The following VPS13B variants were observed in gnomAD, a reference collection of about 807,000 sequenced individuals.
VPS13B encodes vacuolar protein sorting 13 homolog B.
In VPS13B, 285 loss-of-function variants were observed where a neutral mutation model predicts 426.4. The ratio of observed to expected loss-of-function variants is 0.67; its 90% CI spans 0.61 to 0.74. The LOEUF is 0.74. Ranked by LOEUF, VPS13B falls within the 30% of genes least tolerant of loss-of-function variation. The pLI, the probability that VPS13B is intolerant of heterozygous loss-of-function variation, is 0.00. For synonymous variants in VPS13B, 1,676 were observed against 1,676.4 expected, an observed-to-expected ratio of 1.00 and a Z score of 0.01; for missense variants, 4,537 against 4,782.6, an observed-to-expected ratio of 0.95 and a Z score of 1.51.
At chr8:99,813,922 C>T (rs1179593820) in intron 44 of VPS13B, among the ~76,000 whole-genome samples, 1 of 152,050 alleles carries the variant, frequency 6.6e-6, no homozygotes, top group Non-Finnish European at 1.5e-5. Context: ...TCACTTGAGC[C>T]CAGGGGTTTG....
intron 17 of VPS13B, among the ~76,000 whole-genome samples, chr8:99,196,750 G>T (rs1279635456): frequency 6.6e-6 from 1 of 152,050 alleles, no homozygotes; most frequent in African/African-American, 2.4e-5. Context: ...GGATTTTTAC[G>T]TATAAGATCA....
chr8:99,047,370 T>C (rs1843289313), intron 3 of VPS13B, among the ~76,000 whole-genome samples: 1 of 152,224 alleles, frequency 6.6e-6, no homozygotes, highest in African/African-American at 2.4e-5. Flanking sequence ...TTGTCCGTTG[T>C]AATATTTCCC....
At chr8:99,145,765 A>G (rs1337276310) in intron 13 of VPS13B, among the ~76,000 whole-genome samples, 1 of 152,248 alleles carries the variant, frequency 6.6e-6, no homozygotes, top group African/African-American at 2.4e-5. Context: ...TATTACAAAT[A>G]ATGCTGCTCT....
intron 7 of VPS13B, among the ~76,000 whole-genome samples, chr8:99,117,448 A>G (rs1301571093): frequency 6.6e-6 from 1 of 152,182 alleles, no homozygotes; most frequent in African/African-American, 2.4e-5. Flanking sequence ...CTACGTGTAT[A>G]TCAAGAGAAC....
At chr8:99,121,944 C>T (rs868634876) in intron 8 of VPS13B, among the ~76,000 whole-genome samples, 2 of 150,372 alleles carry the variant, frequency 1.3e-5, no homozygotes, top group East Asian at 1.9e-4. Flanking sequence ...CTCTGCCTCC[C>T]GGGCTCAAGA....
intron 30 of VPS13B, among the ~76,000 whole-genome samples, chr8:99,530,127 T>A (rs1267155933): frequency 6.6e-6 from 1 of 152,220 alleles, no homozygotes; most frequent in Non-Finnish European, 1.5e-5. Flanking sequence ...ATGTTTTTTC[T>A]TTGATGTTCA....
At chr8:99,559,045 A>G (rs1219460650) in intron 31 of VPS13B, among the ~76,000 whole-genome samples, 2 of 152,102 alleles carry the variant, frequency 1.3e-5, no homozygotes, top group East Asian at 3.9e-4. Flanking sequence ...AAGTGTTCCT[A>G]TTTCTCCACA....
intron 43 of VPS13B, among the ~76,000 whole-genome samples, chr8:99,788,742 C>T (rs1316504928): frequency 6.6e-6 from 1 of 152,112 alleles, no homozygotes; most frequent in East Asian, 1.9e-4. Context: ...TTTTTTCCAT[C>T]CATTTAAAAA....
intron 19 of VPS13B, among the ~76,000 whole-genome samples, chr8:99,377,112 T>C (rs936838177): frequency 6.6e-6 from 1 of 152,164 alleles, no homozygotes; most frequent in African/African-American, 2.4e-5. Flanking sequence ...TCTGATCTTC[T>C]CTTTATCTTC....
chr8:99,015,991 C>T lies in VPS13B; in HGVS notation c.147+2056C>T, dbSNP rs143024998. 6.3e-3 allele frequency among the ~76,000 whole-genome samples: 959 copies of T among 152,254 alleles called. 8 individuals are homozygous for T. The highest frequency in any genetic ancestry group is 0.022 in the African/African-American group (900 of 41,534). On this transcript the variant is annotated intron_variant, in intron 2 of 61. Coordinates refer to ENST00000357162, the MANE Select transcript of VPS13B (RefSeq NM_152564.5). ...AGATAAGTTTTACCTGGTTTTGAAC[C>T]TCAAAAAAATTGGAATCATTTATGT...
chr8:99,552,703 T>C (rs1824346293), intron 30 of VPS13B, among the ~76,000 whole-genome samples: 1 of 152,078 alleles, frequency 6.6e-6, no homozygotes, highest in Non-Finnish European at 1.5e-5. Context: ...GAAATATAGA[T>C]TCATAAAGAA....
chr8:99,257,425 A>G (rs1317164491), intron 17 of VPS13B, among the ~76,000 whole-genome samples: 1 of 152,128 alleles, frequency 6.6e-6, no homozygotes, highest in Admixed American at 6.6e-5. Context: ...CATTAGTGAG[A>G]GTGCCTTGTG....
At chr8:99,124,917 A>G in intron 8 of VPS13B, among the ~76,000 whole-genome samples, 1 of 148,864 alleles carries the variant, frequency 6.7e-6, no homozygotes, top group Non-Finnish European at 1.5e-5. Flanking sequence ...TGAAGTTCTG[A>G]TGCATGCTAA....
At chr8:99,581,660 G>A (rs1419174073) in intron 33 of VPS13B, among the ~76,000 whole-genome samples, 1 of 152,058 alleles carries the variant, frequency 6.6e-6, no homozygotes, top group Admixed American at 6.6e-5. Flanking sequence ...AATTTGAAAT[G>A]CTTCCCTGAG....
intron 30 of VPS13B, among the ~76,000 whole-genome samples, chr8:99,522,668 C>T (rs1822431477): frequency 6.6e-6 from 1 of 151,960 alleles, no homozygotes; most frequent in African/African-American, 2.4e-5. Context: ...CTTGGGGTGA[C>T]CCTGTAGACC....
intron 33 of VPS13B, among the ~76,000 whole-genome samples, chr8:99,637,761 T>C (rs1422789079): frequency 6.6e-6 from 1 of 152,120 alleles, no homozygotes; most frequent in East Asian, 1.9e-4. Flanking sequence ...AGAGAGTAGA[T>C]TTTAAGTATA....
intron 19 of VPS13B, among the ~76,000 whole-genome samples, chr8:99,355,187 CACTT>C (rs1332823720): frequency 4.6e-5 from 7 of 152,162 alleles, no homozygotes; most frequent in East Asian, 1.9e-4. Flanking sequence ...CATTCTATCT[CACTT>C]AGAGTGATTT....
chr8:99,536,713 T>G, intron 30 of VPS13B: 1 of 534,400 alleles, frequency 1.9e-6, no homozygotes, highest in Non-Finnish European at 3.8e-6. Flanking sequence ...TCAAACACAC[T>G]GTGGACAGCA....
chr8:99,793,504 G>A (rs1254439374), intron 43 of VPS13B, among the ~76,000 whole-genome samples: 1 of 151,994 alleles, frequency 6.6e-6, no homozygotes, highest in East Asian at 1.9e-4. Context: ...AAATTGCTGA[G>A]AGAAGGTTTA....
Sources: gnomAD v4.1 joint callset for allele counts (sites outside exome capture counted in the v4.1 genomes callset) on GRCh38, gnomAD v4.1.1 for gene constraint, MANE v1.5 for transcripts, NCBI Gene and HGNC (gene_info 2026-07-23, HGNC 2026-07-21) for gene names.